Variants in ITGB8 observed in about 807,000 individuals in gnomAD.
The protein encoded by ITGB8 is integrin subunit beta 8.
In ITGB8, 30 loss-of-function variants were observed where a neutral mutation model predicts 89.5. That is an observed-to-expected ratio of 0.34 (90% CI 0.25 to 0.45). The LOEUF is 0.45. Among genes scored for constraint, ITGB8 ranks in the 20% least tolerant of loss-of-function variants. The pLI is 1.00. For missense variants in ITGB8, 836 were observed against 933.3 expected, an observed-to-expected ratio of 0.90 and a Z score of 1.36; for synonymous variants, 335 against 320.4, an observed-to-expected ratio of 1.05 and a Z score of -0.49.
chr7:20,340,997 G>T (rs1458004414), intron 1 of ITGB8, among the ~76,000 whole-genome samples: 1 of 152,184 alleles, frequency 6.6e-6, no homozygotes, highest in East Asian at 1.9e-4. Context: ...GTCATGCAAG[G>T]TATTCATTGA....
At chr7:20,342,177 G>C (rs1013303906) in intron 1 of ITGB8, among the ~76,000 whole-genome samples, 2 of 152,168 alleles carry the variant, frequency 1.3e-5, no homozygotes, top group African/African-American at 4.8e-5. Context: ...AAGCTCCAGA[G>C]GACGTAAGAA....
chr7:20,330,452 G>A (rs1460438443), upstream of ITGB8, among the ~76,000 whole-genome samples: 1 of 152,180 alleles, frequency 6.6e-6, no homozygotes, highest in Non-Finnish European at 1.5e-5. Context: ...CGCTGAGCGA[G>A]TCTCCCACCA....
chr7:20,334,217 C>G (rs1784503613), intron 1 of ITGB8, among the ~76,000 whole-genome samples: 1 of 152,138 alleles, frequency 6.6e-6, no homozygotes, highest in Non-Finnish European at 1.5e-5. Context: ...TGTTTTTTAA[C>G]TGTCTCTGGT....
chr7:20,362,700 C>T (rs372643046), intron 1 of ITGB8, among the ~76,000 whole-genome samples: 55 of 152,318 alleles, frequency 3.6e-4, no homozygotes, highest in African/African-American at 1.2e-3. Flanking sequence ...GGACAGATCA[C>T]ACCGTGACTT....
chr7:20,366,091 A>C (rs1785685486), intron 2 of ITGB8: 1 of 152,152 alleles, frequency 6.6e-6, no homozygotes, highest in South Asian at 2.1e-4. Context: ...TCTACACTAC[A>C]TAAGTAATTG....
intron 8 of ITGB8, among the ~76,000 whole-genome samples, chr7:20,396,408 G>T (rs1787081006): frequency 6.6e-6 from 1 of 151,562 alleles, no homozygotes; most frequent in Non-Finnish European, 1.5e-5. Flanking sequence ...ACTCCAGCCT[G>T]GGCGACAGAG....
At chr7:20,385,814 C>G (rs908167517) in intron 6 of ITGB8, among the ~76,000 whole-genome samples, 2 of 151,608 alleles carry the variant, frequency 1.3e-5, no homozygotes, top group African/African-American at 4.8e-5. Context: ...CCTGAGTTAA[C>G]AAACGTTCAT....
intron 6 of ITGB8, among the ~76,000 whole-genome samples, chr7:20,386,628 C>G (rs546801292): frequency 6.6e-6 from 1 of 151,764 alleles, no homozygotes; most frequent in African/African-American, 2.4e-5. Flanking sequence ...AAAAGAGTGG[C>G]CTGGAAAGGA....
At chr7:20,355,230 C>T (rs377502121) in intron 1 of ITGB8, among the ~76,000 whole-genome samples, 4 of 152,266 alleles carry the variant, frequency 2.6e-5, no homozygotes, top group East Asian at 1.9e-4. Flanking sequence ...GCCCCAGGCT[C>T]CCAGGTGGGA....
chr7:20,406,038 T>G, intron 11 of ITGB8, 24 bp from the exon 12 acceptor site: 1 of 1,342,664 alleles, frequency 7.4e-7, no homozygotes, highest in Non-Finnish European at 1.1e-6. Context: ...GAATAAATAT[T>G]TTCACTTCTG....
chr7:20,397,469 A>C (rs1398804317), intron 8 of ITGB8, among the ~76,000 whole-genome samples: 1 of 152,102 alleles, frequency 6.6e-6, no homozygotes, highest in Non-Finnish European at 1.5e-5. Context: ...CAAGTGAGCC[A>C]CCTGCCTCAG....
At chr7:20,335,178 G>A (rs1784534805) in intron 1 of ITGB8, among the ~76,000 whole-genome samples, 1 of 151,980 alleles carries the variant, frequency 6.6e-6, no homozygotes, top group South Asian at 2.1e-4. Context: ...ACTGGAGGAG[G>A]AACACACTGT....
chr7:20,381,713 T>C lies in ITGB8; in HGVS notation c.802-14T>C, dbSNP rs1379940698. 1 of 1,590,856 alleles carries C rather than the reference T, an allele frequency of 6.3e-7. No homozygotes were observed. Among genetic ancestry groups the C allele is most frequent in the Non-Finnish European group, 8.6e-7 (1 of 1,167,404 alleles). ...TGTTATTGTACAAAGTCTAATTACA[T>C]GTTTATTTTTAAGAGTCATATCGGA... On this transcript the variant is annotated splice_polypyrimidine_tract_variant and intron_variant, in intron 5 of 13. Transcript: ENST00000222573.
At position 20,331,749 on chromosome 7, in the gene ITGB8, G is replaced by A. The variant is rs542931235; in HGVS notation, c.-58G>A. On this transcript the variant is annotated 5_prime_UTR_variant, in exon 1 of 14. Coordinates refer to ENST00000222573, the MANE Select transcript of ITGB8 (RefSeq NM_002214.3). The stretch of plus-strand genomic sequence containing the variant: ...GGGCCCCGAGGTGCGCCCGGGAGGC[G>A]CGAGCCCGCGTCCGGAAGGCAGTCA... The A allele has an allele frequency of 6.1e-5, 95 of 1,555,060 alleles. No homozygotes were observed. The highest frequency in any genetic ancestry group is 3.1e-4 in the Admixed American group (16 of 51,944).
At chr7:20,350,336 C>G (rs1346364578) in intron 1 of ITGB8, among the ~76,000 whole-genome samples, 1 of 152,074 alleles carries the variant, frequency 6.6e-6, no homozygotes, top group East Asian at 1.9e-4. Context: ...TTAGTAGAGA[C>G]GGGGTTTTGC....
At chr7:20,359,661 G>A (rs563625165) in intron 1 of ITGB8, among the ~76,000 whole-genome samples, 2 of 148,872 alleles carry the variant, frequency 1.3e-5, no homozygotes, top group South Asian at 4.2e-4. Flanking sequence ...TGTGGGAGGG[G>A]AGGGAAGGAG....
At chr7:20,397,343 C>T (rs539188398) in intron 8 of ITGB8, among the ~76,000 whole-genome samples, 1 of 152,090 alleles carries the variant, frequency 6.6e-6, no homozygotes, top group Non-Finnish European at 1.5e-5. Flanking sequence ...TGTCCTGCCT[C>T]AAGCTCCAGA....
chr7:20,331,925 G>C lies in ITGB8; in HGVS notation c.119G>C (p.Gly40Ala), dbSNP rs1169982777. 2 of 1,614,178 alleles carry C rather than the reference G, an allele frequency of 1.2e-6. No homozygotes were observed. The highest frequency in any genetic ancestry group is 2.2e-5 in the South Asian group (2 of 91,078). Residue 40 changes from glycine to alanine, a missense_variant, in exon 1 of 14, where the codon GGC becomes GCC. This residue lies in a region of ITGB8 where 182 missense variants were observed against 177.0 expected (regional missense o/e 1.03). Transcript: ENST00000222573. ...AWVFSLVLGL[G>A]QGEDNRCASS... ...GTGTTTTCACTTGTTCTTGGACTGG[G>C]CCAAGGTGGTAAGTTGTTTTGTTTT...
Position 20,359,978 on chromosome 7 carries a change from A to C in ITGB8, c.128-3659A>C, listed in dbSNP as rs568018609. Reference sequence around the variant, plus strand: ...TCTAGTCCTGCAGAACCATGTGGCCACCTCCTCCAGATCCATTTATGGGAT... The same window carrying C: ...TCTAGTCCTGCAGAACCATGTGGCCCCCTCCTCCAGATCCATTTATGGGAT... On this transcript the variant is annotated intron_variant, in intron 1 of 13. Coordinates refer to ENST00000222573, the MANE Select transcript of ITGB8 (RefSeq NM_002214.3). Among the ~76,000 whole-genome samples, 5 of 151,986 alleles carry C rather than the reference A, an allele frequency of 3.3e-5. No individual in the cohort carries two copies. In the South Asian group the frequency reaches 1.0e-3, roughly 32 times the overall value.
Sources: allele counts gnomAD v4.1 joint callset (sites outside exome capture counted in the v4.1 genomes callset), GRCh38; gene constraint gnomAD v4.1.1; regional missense constraint gnomAD v4.1.1; transcripts MANE v1.5; gene names NCBI Gene and HGNC (gene_info 2026-07-23, HGNC 2026-07-21).